Variants in PIWIL4 observed in about 807,000 individuals in gnomAD.
PIWIL4 encodes the protein piwi like RNA-mediated gene silencing 4.
PIWIL4 carries 50 observed loss-of-function variants against 100.9 expected under a neutral mutation model. That is an observed-to-expected ratio of 0.50 (90% confidence interval 0.39 to 0.63). PIWIL4 has a LOEUF of 0.63. Among genes scored for constraint, PIWIL4 ranks in the 20% least tolerant of loss-of-function variants. PIWIL4 has a pLI of 0.00. For missense variants in PIWIL4, 887 were observed against 1,043.3 expected (o/e 0.85, Z 2.06); for synonymous variants, 342 against 367.5 (o/e 0.93, Z 0.79).
At chr11:94,577,585 T>G in intron 4 of PIWIL4, 93 bp downstream of exon 4, 1 of 984,294 alleles carries the variant, frequency 1.0e-6, no homozygotes, top group Non-Finnish European at 1.4e-6. Flanking sequence ...GCAAGGAGAT[T>G]CCAAAAGGTT....
Position 94,567,584 on chromosome 11 carries a change from G to A in PIWIL4, c.66G>A (p.Gly22=), listed in dbSNP as rs779043775. The A allele has an allele frequency of 2.5e-6, 4 of 1,605,662 alleles. No individual in the cohort carries two copies. Among genetic ancestry groups the A allele is most frequent in the Admixed American group, 1.7e-5 (1 of 59,192 alleles). ...IARSPSATEV[G]RIQASPLPRS... is the part of the protein sequence containing the mutation. ...GCAGCCCCAGTGCCACAGAAGTGGG[G>A]CGCATCCAAGCCTCGCCATTGGTGT... Residue 22 remains glycine (G), a synonymous_variant, in exon 1 of 20, where the codon GGG becomes GGA. Transcript: ENST00000299001.
At position 94,618,015 on chromosome 11, in the gene PIWIL4, T is replaced by G; in HGVS notation, c.2076T>G (p.Arg692=). 6.2e-7 allele frequency: 1 copy of G among 1,612,804 alleles called. No individual in the cohort carries two copies. The highest frequency in any genetic ancestry group is 8.5e-7 in the Non-Finnish European group (1 of 1,179,146). ...HDLPARIIVY[R]AGVGDGQLKT... ...TGCCAGCACGGATAATTGTGTACCG[T>G]GCTGGTGTAGGGGATGGTCAGCTGA... The change falls in exon 17 of 20, where the codon CGT becomes CGG. Residue 692 remains arginine, a synonymous_variant. Transcript: ENST00000299001.
At chr11:94,611,531 T>G (rs1477374920) in intron 15 of PIWIL4, among the ~76,000 whole-genome samples, 1 of 150,888 alleles carries the variant, frequency 6.6e-6, no homozygotes, top group African/African-American at 2.5e-5. Context: ...GTAAGCTTGA[T>G]TGATATAGTT....
Position 94,567,554 on chromosome 11 carries a change from C to T in PIWIL4, c.36C>T (p.Ile12=). The change falls in exon 1 of 20, where the codon ATC becomes ATT. Residue 12 remains isoleucine (I), a synonymous_variant. Transcript: ENST00000299001. ...GAGCCCGAGTGAAGGCCAGAGGCAT[C>T]GCCCGCAGCCCCAGTGCCACAGAAG... ...SGRARVKARG[I]ARSPSATEVG... is the part of the protein sequence containing the mutation. The T allele has an allele frequency of 5.0e-6, 8 of 1,605,616 alleles. No homozygotes were observed. Among genetic ancestry groups the T allele is most frequent in the East Asian group, 2.2e-5 (1 of 44,620 alleles).
intron 17 of PIWIL4, 34 bp from the exon 18 acceptor site, chr11:94,619,726 A>C: frequency 6.3e-7 from 1 of 1,591,252 alleles, no homozygotes; most frequent in South Asian, 1.1e-5. Context: ...GATTGGATTG[A>C]GTTCTTTTCA....
intron 2 of PIWIL4, among the ~76,000 whole-genome samples, chr11:94,570,783 T>C (rs1392440644): frequency 6.6e-6 from 1 of 152,010 alleles, no homozygotes; most frequent in African/African-American, 2.4e-5. Flanking sequence ...TCCCAGCTGC[T>C]TGGGAGGCTG....
At chr11:94,584,567 C>T (rs535963493) in intron 5 of PIWIL4, among the ~76,000 whole-genome samples, 6 of 152,246 alleles carry the variant, frequency 3.9e-5, no homozygotes, top group East Asian at 3.9e-4. Flanking sequence ...TAGAGCAACC[C>T]GAGGCAAGTG....
chr11:94,576,130 C>T (rs1306934743), intron 3 of PIWIL4, among the ~76,000 whole-genome samples: 4 of 152,052 alleles, frequency 2.6e-5, no homozygotes, highest in African/African-American at 9.7e-5. Flanking sequence ...TATTCTATAT[C>T]ATTCTTTTCT....
intron 15 of PIWIL4, among the ~76,000 whole-genome samples, chr11:94,616,077 T>C (rs534094823): frequency 1.3e-5 from 2 of 152,386 alleles, no homozygotes; most frequent in Non-Finnish European, 1.5e-5. Context: ...TAGTGGCCTC[T>C]ATTACTCTTT....
intron 8 of PIWIL4, among the ~76,000 whole-genome samples, chr11:94,591,230 C>G (rs1290255992): frequency 6.6e-6 from 1 of 152,094 alleles, no homozygotes; most frequent in Non-Finnish European, 1.5e-5. Context: ...CCTTTATCAC[C>G]CCATCCACTC....
chr11:94,607,498 G>T lies in PIWIL4; in HGVS notation c.1698G>T (p.Leu566Phe). ...KTYYDSIKKY[L>F]SSDCPVPSQC... ...ATTATGATTCCATTAAAAAATATTT[G>T]AGCTCAGACTGCCCAGTCCCAAGCC... Residue 566 changes from leucine to phenylalanine, a missense_variant, in exon 14 of 20, where the codon TTG becomes TTT. Transcript: ENST00000299001. 1.2e-6 allele frequency: 2 copies of T among 1,613,728 alleles called. No homozygotes were observed.
chr11:94,611,127 G>A (rs192046590), intron 15 of PIWIL4, among the ~76,000 whole-genome samples: 20 of 152,104 alleles, frequency 1.3e-4, no homozygotes, highest in Admixed American at 1.0e-3. Context: ...TTCCATTTGC[G>A]TATGTGTCAG....
In PIWIL4 at chr11:94,568,932, C is replaced by A. The variant is rs181092476; in HGVS notation, c.166+124C>A. Reference sequence around the variant, plus strand: ...TCCTGATTTCCTTTCCTTGAAGGATCCCCTTTGTCATGTTCCTTTGGGACT... The same window carrying A: ...TCCTGATTTCCTTTCCTTGAAGGATACCCTTTGTCATGTTCCTTTGGGACT... On this transcript the variant is annotated intron_variant, in intron 2 of 19. Transcript: ENST00000299001. The A allele has an allele frequency of 2.4e-4, 196 of 814,298 alleles. 1 individual carries two copies. The African/African-American group carries it at 2.9e-3, about 12-fold the overall frequency. The allele number at this position is 814,298 out of a possible 1,614,324, so 50.4% of individuals were successfully genotyped here.
At chr11:94,567,899 T>A (rs1242944140) in intron 1 of PIWIL4, 1 of 873,952 alleles carries the variant, frequency 1.1e-6, no homozygotes, top group African/African-American at 1.8e-5. Flanking sequence ...TCGTTTTAAA[T>A]TGCCTTGTAA....
At chr11:94,591,865 C>G (rs1229626112) in intron 8 of PIWIL4, among the ~76,000 whole-genome samples, 1 of 152,160 alleles carries the variant, frequency 6.6e-6, no homozygotes, top group African/African-American at 2.4e-5. Context: ...TCTTATCATA[C>G]AAAGTATTTT....
rs773696249 is a variant in PIWIL4, at chr11:94,583,581, G to A, written c.635+12G>A. 6.2e-7 allele frequency: 1 copy of A among 1,613,658 alleles called. No homozygotes were observed. The highest frequency in any genetic ancestry group is 1.7e-5 in the Admixed American group (1 of 60,006). On this transcript the variant is annotated intron_variant, in intron 5 of 19. Coordinates refer to ENST00000299001, the MANE Select transcript of PIWIL4 (RefSeq NM_152431.3). Reference sequence around the variant, plus strand: ...ATCATCTTCAGAAAGTAAGGCACTGGAAATGTGAATTTAATTTGGGCTAAT... The same window carrying A: ...ATCATCTTCAGAAAGTAAGGCACTGAAAATGTGAATTTAATTTGGGCTAAT...
chr11:94,606,242 C>T (rs1948714717), intron 13 of PIWIL4, among the ~76,000 whole-genome samples: 1 of 152,182 alleles, frequency 6.6e-6, no homozygotes, highest in African/African-American at 2.4e-5. Flanking sequence ...CCTTGTTCTA[C>T]CACTTTTCTT....
At chr11:94,619,510 C>T (rs1211655549) in intron 17 of PIWIL4, among the ~76,000 whole-genome samples, 1 of 152,150 alleles carries the variant, frequency 6.6e-6, no homozygotes, top group Non-Finnish European at 1.5e-5. Context: ...TCCTTCCTGC[C>T]CCCTTTGAGT....
chr11:94,592,869 T>C (rs1053775984), intron 8 of PIWIL4, among the ~76,000 whole-genome samples: 2 of 152,172 alleles, frequency 1.3e-5, no homozygotes, highest in African/African-American at 2.4e-5. Context: ...CCAGACCCCA[T>C]GCTAGTGGTT....
Sources: allele counts gnomAD v4.1 joint callset (sites outside exome capture counted in the v4.1 genomes callset), GRCh38; gene constraint gnomAD v4.1.1; transcripts MANE v1.5; gene names NCBI Gene and HGNC (gene_info 2026-07-23, HGNC 2026-07-21).